Variants in FAM135A observed in about 807,000 individuals in gnomAD.
FAM135A encodes the protein protein FAM135A.
In FAM135A, 79 loss-of-function variants were observed where a neutral mutation model predicts 146.8. The ratio of observed to expected loss-of-function variants is 0.54; its 90% CI spans 0.45 to 0.65. The LOEUF is 0.65. Ranked by LOEUF, FAM135A falls within the 30% of genes least tolerant of loss-of-function variation. The probability of loss-of-function intolerance (pLI) is 0.00; values close to 1 mark genes in which losing one functional copy is unlikely to be tolerated. For missense variants in FAM135A, 1,623 were observed against 1,758.2 expected (o/e 0.92, Z 1.38); for synonymous variants, 562 against 603.6 (o/e 0.93, Z 1.01).
intron 11 of FAM135A, 92 bp from the exon 12 acceptor site, chr6:70,502,544 T>C: frequency 7.8e-7 from 1 of 1,287,266 alleles, no homozygotes; most frequent in Non-Finnish European, 1.1e-6. Flanking sequence ...ACCACAAATT[T>C]GCCTTTGTAT....
In FAM135A at chr6:70,441,195, AC is replaced by A. The variant is rs1450635564; in HGVS notation, c.78-11295del. 5.9e-5 allele frequency among the ~76,000 whole-genome samples: 9 copies of A among 152,172 alleles called. No individual in the cohort carries two copies. The East Asian group carries it at 1.7e-3, about 29-fold the overall frequency. On this transcript the variant is annotated intron_variant, in intron 4 of 21. Transcript: ENST00000418814. The stretch of plus-strand genomic sequence containing the variant: ...GATCACCTGAGGTCAGGAGTTTGAG[AC>A]CAGCCTGGCCAACATTGTGAAAACC...
intron 4 of FAM135A, among the ~76,000 whole-genome samples, chr6:70,439,826 G>A (rs1774052417): frequency 6.6e-6 from 1 of 152,118 alleles, no homozygotes; most frequent in South Asian, 2.1e-4. Flanking sequence ...TAAAAGTATA[G>A]TAAGCACACA....
intron 12 of FAM135A, among the ~76,000 whole-genome samples, chr6:70,514,821 A>G (rs73485126): frequency 0.046 from 7,022 of 152,202 alleles, 361 homozygotes; most frequent in African/African-American, 0.11. Context: ...GAGCCCTCCC[A>G]GTTTCTTTCA....
intron 4 of FAM135A, among the ~76,000 whole-genome samples, chr6:70,445,171 T>A (rs1306947538): frequency 2.0e-5 from 3 of 152,208 alleles, no homozygotes; most frequent in African/African-American, 4.8e-5. Flanking sequence ...TTGGACCAAA[T>A]CTGGCTTGTT....
At chr6:70,453,453 G>GTGC (rs1777569572) in intron 5 of FAM135A, among the ~76,000 whole-genome samples, 1 of 151,930 alleles carries the variant, frequency 6.6e-6, no homozygotes, top group Non-Finnish European at 1.5e-5. Flanking sequence ...TAGGATACAT[G>GTGC]TGCACAACAT....
intron 12 of FAM135A, among the ~76,000 whole-genome samples, chr6:70,508,977 T>G (rs761467511): frequency 5.3e-5 from 8 of 152,192 alleles, no homozygotes; most frequent in Non-Finnish European, 7.3e-5. Flanking sequence ...CTTATTCTTG[T>G]GTGGAAGCAG....
At chr6:70,448,474 A>C (rs1183417693) in intron 4 of FAM135A, among the ~76,000 whole-genome samples, 2 of 152,086 alleles carry the variant, frequency 1.3e-5, no homozygotes, top group Non-Finnish European at 2.9e-5. Context: ...AGTGTCCTCC[A>C]GCTTAGTTCC....
At chr6:70,504,969 A>C (rs560435932) in intron 12 of FAM135A, 1 of 152,234 alleles carries the variant, frequency 6.6e-6, no homozygotes, top group East Asian at 1.9e-4. Context: ...TCAAAAAAAA[A>C]AAAAAGGTAG....
intron 2 of FAM135A, among the ~76,000 whole-genome samples, chr6:70,421,122 A>G (rs931706653): frequency 6.6e-6 from 1 of 152,070 alleles, no homozygotes; most frequent in African/African-American, 2.4e-5. Context: ...GAGCTCAAGC[A>G]GTCTGCTTGT....
At chr6:70,469,163 G>T (rs895036925) in intron 5 of FAM135A, among the ~76,000 whole-genome samples, 2 of 152,000 alleles carry the variant, frequency 1.3e-5, no homozygotes, top group Non-Finnish European at 2.9e-5. Context: ...AGCTCTATGA[G>T]GTCGGAGATT....
chr6:70,459,531 A>G (rs9455120), intron 5 of FAM135A, among the ~76,000 whole-genome samples: 3,843 of 152,294 alleles, frequency 0.025, 168 homozygotes, highest in African/African-American at 0.088. Flanking sequence ...GACTTTTACA[A>G]CAGAGAAGTC....
chr6:70,542,278 C>A (rs12180222), intron 20 of FAM135A, among the ~76,000 whole-genome samples: 27 of 106,740 alleles, frequency 2.5e-4, no homozygotes, highest in African/African-American at 9.2e-4. Flanking sequence ...ACACACACAC[C>A]CTTTGCTGTG....
chr6:70,447,212 T>C (rs930225168), intron 4 of FAM135A, among the ~76,000 whole-genome samples: 3 of 152,260 alleles, frequency 2.0e-5, no homozygotes, highest in Admixed American at 1.3e-4. Flanking sequence ...TATCAGTAAT[T>C]TGATTTACCC....
At chr6:70,437,487 T>C (rs534257221) in intron 4 of FAM135A, among the ~76,000 whole-genome samples, 19 of 151,926 alleles carry the variant, frequency 1.3e-4, no homozygotes, top group African/African-American at 4.4e-4. Context: ...AATAAGAGTT[T>C]GGTCTCAAAC....
intron 12 of FAM135A, among the ~76,000 whole-genome samples, chr6:70,506,331 A>G (rs1789756121): frequency 6.6e-6 from 1 of 152,102 alleles, no homozygotes; most frequent in African/African-American, 2.4e-5. Context: ...ACAACCAGCG[A>G]CCCAATTTTC....
At chr6:70,516,312 T>G (rs1561951932) in intron 12 of FAM135A, among the ~76,000 whole-genome samples, 1 of 151,842 alleles carries the variant, frequency 6.6e-6, no homozygotes, top group Non-Finnish European at 1.5e-5. Flanking sequence ...CTAGAAAGAG[T>G]GGGAACTGAA....
Position 70,559,774 on chromosome 6 carries a change from CTG to C in FAM135A, c.4403_4404del (p.Cys1468Ter). 1 of 1,614,120 alleles carries C rather than the reference CTG, an allele frequency of 6.2e-7. No homozygotes were observed. The highest frequency in any genetic ancestry group is 8.5e-7 in the Non-Finnish European group (1 of 1,180,018). ...LLRPVLQSKD[C>X]NLVRYNVINA... ...TTCGACCCGTTCTGCAAAGCAAGGA[CTG>C]TAATTTGGTTCGCTATAATGTCATC... is the stretch of plus-strand genomic sequence containing the variant. On this transcript the variant is annotated frameshift_variant, in exon 22 of 22. Coordinates refer to ENST00000418814, the MANE Select transcript of FAM135A (RefSeq NM_001162529.3). LOFTEE classifies it high-confidence loss of function.
At chr6:70,538,195 C>A in intron 19 of FAM135A, 96 bp from the exon 20 acceptor site, 6 of 711,228 alleles carry the variant, frequency 8.4e-6, no homozygotes, top group Non-Finnish European at 1.2e-5. Flanking sequence ...TAGGCAATGT[C>A]ATCTTTTGAA....
At chr6:70,546,182 CAAATA>C (rs146532058) in intron 20 of FAM135A, among the ~76,000 whole-genome samples, 1 of 151,582 alleles carries the variant, frequency 6.6e-6, no homozygotes, top group Admixed American at 6.6e-5. Flanking sequence ...TCACAGCAAA[CAAATA>C]AGTTAAATAA....
Sources: gnomAD v4.1 joint callset for allele counts (sites outside exome capture counted in the v4.1 genomes callset) on GRCh38, gnomAD v4.1.1 for gene constraint, MANE v1.5 for transcripts, NCBI Gene and HGNC (gene_info 2026-07-23, HGNC 2026-07-21) for gene names.